The following AKAP13 variants were observed in gnomAD, a reference collection of about 807,000 sequenced individuals.
AKAP13 encodes A-kinase anchor protein 13.
A neutral mutation model predicts 264.5 loss-of-function variants in AKAP13; 80 were observed. The observed-to-expected ratio is 0.30, with a 90% CI of 0.25 to 0.36. The LOEUF is 0.36. Among genes scored for constraint, AKAP13 ranks in the 10% least tolerant of loss-of-function variants. The probability of loss-of-function intolerance (pLI) is 1.00; values close to 1 mark genes in which losing one functional copy is unlikely to be tolerated. For synonymous variants in AKAP13, 1,380 were observed against 1,250.2 expected, an observed-to-expected ratio of 1.10 and a Z score of -2.19; for missense variants, 3,712 against 3,435.2, an observed-to-expected ratio of 1.08 and a Z score of -2.01.
chr15:85,510,822 A>C (rs2076391611), intron 2 of AKAP13, among the ~76,000 whole-genome samples: 1 of 152,210 alleles, frequency 6.6e-6, no homozygotes, highest in Non-Finnish European at 1.5e-5. Flanking sequence ...ATTTTGGTTT[A>C]GCAAATGAGC....
intron 19 of AKAP13, 29 bp from the exon 20 acceptor site, chr15:85,715,759 A>G (rs780818060): frequency 1.7e-5 from 27 of 1,588,146 alleles, no homozygotes; most frequent in Non-Finnish European, 2.2e-5. Context: ...TGGATGGGTG[A>G]TGCTTCAGTT....
rs1336312618 is a variant in AKAP13 at position 85,693,260 on chromosome 15, T to A, written c.5290-17T>A. The A allele has an allele frequency of 3.8e-6, 6 of 1,586,978 alleles. No individual in the cohort carries two copies. The highest frequency in any genetic ancestry group is 5.1e-6 in the Non-Finnish European group (6 of 1,171,470). ...CAGTGTTCAATTAACTGTGGATTAT[T>A]TTCTTTTCTTCGGCAGGAAAAGGAA... On this transcript the variant is annotated splice_polypyrimidine_tract_variant and intron_variant, in intron 16 of 36. Transcript: ENST00000394518.
intron 12 of AKAP13, chr15:85,662,253 C>T (rs1208847413): frequency 2.6e-6 from 2 of 762,614 alleles, no homozygotes; most frequent in African/African-American, 1.7e-5. Context: ...GTCAGTGTTA[C>T]ATTCCTAAAT....
intron 2 of AKAP13, among the ~76,000 whole-genome samples, chr15:85,517,190 G>A (rs561612526): frequency 2.0e-5 from 3 of 152,066 alleles, no homozygotes; most frequent in East Asian, 1.9e-4. Flanking sequence ...TGACATCAGT[G>A]CCATCCTGTC....
chr15:85,473,380 A>G (rs1292305853), intron 1 of AKAP13, among the ~76,000 whole-genome samples: 1 of 152,236 alleles, frequency 6.6e-6, no homozygotes, highest in Admixed American at 6.5e-5. Context: ...AAAGGGAAAT[A>G]ATTCAATTCA....
At chr15:85,603,138 C>G (rs1419048680) in intron 8 of AKAP13, among the ~76,000 whole-genome samples, 2 of 152,230 alleles carry the variant, frequency 1.3e-5, no homozygotes, top group Non-Finnish European at 2.9e-5. Context: ...GTCAGTCATT[C>G]TTTTAAGTAA....
Position 85,745,743 on chromosome 15 carries a change from T to C in AKAP13, c.*1066T>C, listed in dbSNP as rs999917354. 23 of 152,218 alleles carry C rather than the reference T, an allele frequency of 1.5e-4. No individual in the cohort carries two copies. The highest frequency in any genetic ancestry group is 5.3e-4 in the African/African-American group (22 of 41,408). The allele number at this position is 152,218 out of a possible 1,614,324, so 9.4% of individuals were successfully genotyped here. A position where few individuals can be genotyped will look rare whatever the true frequency, so the allele number is the denominator to read the frequency against. On this transcript the variant is annotated 3_prime_UTR_variant, in exon 37 of 37. Coordinates refer to ENST00000394518, the MANE Select transcript of AKAP13 (RefSeq NM_007200.5). ...GAAGCTAGGACAGCTGGCTGAGAAG[T>C]GGGTTCAGGCGAAGGGTGAAGCCAT... is the stretch of plus-strand genomic sequence containing the variant.
chr15:85,388,567 C>T (rs1413894254), intron 1 of AKAP13, among the ~76,000 whole-genome samples: 1 of 152,060 alleles, frequency 6.6e-6, no homozygotes, highest in East Asian at 1.9e-4. Flanking sequence ...GAGTTTTTAT[C>T]ATGAATAGAT....
intron 2 of AKAP13, among the ~76,000 whole-genome samples, chr15:85,512,981 C>T (rs576126840): frequency 6.6e-5 from 10 of 152,154 alleles, no homozygotes; most frequent in African/African-American, 9.6e-5. Flanking sequence ...CTCAGCCTCC[C>T]GAGTAGCTGG....
At chr15:85,644,387 C>T (rs2082449766) in intron 9 of AKAP13, among the ~76,000 whole-genome samples, 1 of 151,676 alleles carries the variant, frequency 6.6e-6, no homozygotes, top group African/African-American at 2.4e-5. Flanking sequence ...ATTACAGGCA[C>T]CTGCCACCAT....
chr15:85,457,987 A>G (rs1342678159), intron 1 of AKAP13, among the ~76,000 whole-genome samples: 1 of 151,932 alleles, frequency 6.6e-6, no homozygotes, highest in Non-Finnish European at 1.5e-5. Flanking sequence ...TAAAAATACA[A>G]AAATTAGCTG....
At chr15:85,533,940 T>A (rs78834248) in intron 4 of AKAP13, 60 bp downstream of exon 4, 15 of 1,473,968 alleles carry the variant, frequency 1.0e-5, no homozygotes, top group East Asian at 4.6e-5. Context: ...ACTTTTTTTT[T>A]AATGGGGCTA....
At chr15:85,662,343 C>T (rs756577928) in intron 12 of AKAP13, 2 of 1,604,350 alleles carry the variant, frequency 1.2e-6, no homozygotes, top group South Asian at 2.2e-5. Flanking sequence ...CCTGTTTCCT[C>T]TTTTCTCCCT....
At chr15:85,526,211 C>A (rs1483526013) in intron 3 of AKAP13, among the ~76,000 whole-genome samples, 2 of 152,096 alleles carry the variant, frequency 1.3e-5, no homozygotes, top group East Asian at 1.9e-4. Flanking sequence ...CAGATTGCAA[C>A]AAATGGTCTG....
chr15:85,602,076 C>T (rs188000109), intron 8 of AKAP13, among the ~76,000 whole-genome samples: 1 of 151,990 alleles, frequency 6.6e-6, no homozygotes, highest in Admixed American at 6.6e-5. Context: ...GGGAGAACTA[C>T]CTTAATAGTT....
chr15:85,391,922 C>A (rs890814763), intron 1 of AKAP13, among the ~76,000 whole-genome samples: 2 of 151,842 alleles, frequency 1.3e-5, no homozygotes, highest in Non-Finnish European at 2.9e-5. Context: ...GTAGCTGGGA[C>A]TGTAGGCATG....
Position 85,624,175 on chromosome 15 carries a change from C to T in AKAP13, c.4162-15199C>T, listed in dbSNP as rs543024216. Among the ~76,000 whole-genome samples, 4 of 152,278 alleles carry T rather than the reference C, an allele frequency of 2.6e-5. No individual in the cohort carries two copies. The East Asian group carries it at 7.7e-4, about 29-fold the overall frequency. ...TTACTAATTTTATAACTTTGGGTAC[C>T]TGGAAAAATACTGCCTGTTAATAGT... On this transcript the variant is annotated intron_variant, in intron 8 of 36. Coordinates refer to ENST00000394518, the MANE Select transcript of AKAP13 (RefSeq NM_007200.5).
intron 1 of AKAP13, among the ~76,000 whole-genome samples, chr15:85,387,918 C>T (rs1314055454): frequency 3.3e-5 from 5 of 152,042 alleles, no homozygotes; most frequent in East Asian, 3.9e-4. Flanking sequence ...CCTTGCTAAA[C>T]TCATTTTTAG....
At chr15:85,651,910 A>G (rs954277501) in intron 10 of AKAP13, among the ~76,000 whole-genome samples, 4 of 152,272 alleles carry the variant, frequency 2.6e-5, no homozygotes, top group Non-Finnish European at 5.9e-5. Context: ...TAGTTTGCTA[A>G]GAAACGGATC....
Sources: allele counts gnomAD v4.1 joint callset (sites outside exome capture counted in the v4.1 genomes callset), GRCh38; gene constraint gnomAD v4.1.1; transcripts MANE v1.5; gene names NCBI Gene and HGNC (gene_info 2026-07-23, HGNC 2026-07-21).